The following NXPE3 variants were observed in gnomAD, a reference collection of about 807,000 sequenced individuals.
NXPE3 encodes the protein neurexophilin and PC-esterase domain family member 3.
NXPE3 carries 26 observed loss-of-function variants against 46.1 expected under a neutral mutation model. The observed-to-expected ratio is 0.56, with a 90% CI of 0.41 to 0.78. NXPE3 has a LOEUF of 0.78. Among genes scored for constraint, NXPE3 ranks in the 30% least tolerant of loss-of-function variants. The pLI is 0.00. For missense variants in NXPE3, 620 were observed against 686.0 expected (o/e 0.90, Z 1.07); for synonymous variants, 272 against 257.9 (o/e 1.05, Z -0.52).
At position 101,825,931 on chromosome 3, in the gene NXPE3, TTTA is replaced by T. The variant is rs1251230310; in HGVS notation, c.*3979_*3981del. 1 of 152,202 alleles carries T rather than the reference TTTA, an allele frequency of 6.6e-6. No homozygotes were observed. Among genetic ancestry groups the T allele is most frequent in the Admixed American group, 6.5e-5 (1 of 15,288 alleles). The allele number at this position is 152,202 out of a possible 1,614,324, so 9.4% of individuals were successfully genotyped here. On this transcript the variant is annotated 3_prime_UTR_variant, in exon 8 of 8. Transcript: ENST00000273347. ...TAAAGCCTTTCTATGCAAGTTACATTTTATAGAATTATCCTACTAAAAGTAACC... is the reference window on the plus strand; with the variant it reads ...TAAAGCCTTTCTATGCAAGTTACATTTAGAATTATCCTACTAAAAGTAACC...
chr3:101,792,116 G>T (rs1216514714), intron 4 of NXPE3, among the ~76,000 whole-genome samples: 1 of 152,090 alleles, frequency 6.6e-6, no homozygotes, highest in Non-Finnish European at 1.5e-5. Flanking sequence ...TAATGGGGTT[G>T]TTTCTTGTAG....
chr3:101,791,761 T>TA (rs1411761454), intron 4 of NXPE3, among the ~76,000 whole-genome samples: 1 of 152,200 alleles, frequency 6.6e-6, no homozygotes. Context: ...TTTGCATGCA[T>TA]GTGTCTTTAT....
intron 7 of NXPE3, among the ~76,000 whole-genome samples, chr3:101,819,629 A>G (rs986564903): frequency 6.6e-6 from 1 of 152,222 alleles, no homozygotes; most frequent in African/African-American, 2.4e-5. Flanking sequence ...TTTTAAAAAC[A>G]TTCATTTTTA....
rs1312796695 is a variant in NXPE3 at position 101,801,678 on chromosome 3, C to T, written c.537C>T (p.Gly179=). ...YKVFFTLLWP[G]KVKVSVSLVH... ...TTTTCTTTACTTTGCTATGGCCAGG[C>T]AAAGTTAAAGTATCCGTATCTCTGG... The change falls in exon 5 of 8, where the codon GGC becomes GGT. Residue 179 remains glycine, a synonymous_variant. Coordinates refer to ENST00000273347, the MANE Select transcript of NXPE3 (RefSeq NM_145037.4). 1 of 1,614,130 alleles carries T rather than the reference C, an allele frequency of 6.2e-7. No individual in the cohort carries two copies.
chr3:101,783,095 T>C (rs918324087), intron 3 of NXPE3, among the ~76,000 whole-genome samples: 1 of 152,170 alleles, frequency 6.6e-6, no homozygotes, highest in African/African-American at 2.4e-5. Flanking sequence ...GGAGTCTCGC[T>C]CTGTCACCCA....
In NXPE3 at chr3:101,825,024, CA is replaced by C. The variant is rs1484750549; in HGVS notation, c.*3071del. 3 of 152,064 alleles carry C rather than the reference CA, an allele frequency of 2.0e-5. No individual in the cohort carries two copies. The highest frequency in any genetic ancestry group is 4.4e-5 in the Non-Finnish European group (3 of 68,024). 9.4% of individuals were successfully genotyped at this position (152,064 alleles called of 1,614,324 possible). Reference sequence around the variant, plus strand: ...TTTTTTTTTTAACAACTTTTAAGTTCAGGGGTACATGTGCCAGTTTGTTTCA... The same window carrying C: ...TTTTTTTTTTAACAACTTTTAAGTTCGGGGTACATGTGCCAGTTTGTTTCA... On this transcript the variant is annotated 3_prime_UTR_variant, in exon 8 of 8. Transcript: ENST00000273347.
At chr3:101,799,488 G>A (rs750191668) in intron 4 of NXPE3, among the ~76,000 whole-genome samples, 19 of 151,732 alleles carry the variant, frequency 1.3e-4, no homozygotes, top group African/African-American at 2.4e-4. Context: ...GTGCAGTGGC[G>A]CGATCTTGGC....
chr3:101,800,976 G>T (rs1247037477), intron 4 of NXPE3, among the ~76,000 whole-genome samples: 1 of 152,040 alleles, frequency 6.6e-6, no homozygotes, highest in Non-Finnish European at 1.5e-5. Flanking sequence ...ACTCCAATAG[G>T]CTAGGTTCTG....
At chr3:101,800,440 AT>A (rs1319258711) in intron 4 of NXPE3, among the ~76,000 whole-genome samples, 7 of 152,196 alleles carry the variant, frequency 4.6e-5, no homozygotes, top group Admixed American at 4.6e-4. Context: ...GGTGTATTTT[AT>A]GGCCCAAAAT....
chr3:101,793,102 G>C (rs1940612817), intron 4 of NXPE3, among the ~76,000 whole-genome samples: 1 of 152,166 alleles, frequency 6.6e-6, no homozygotes, highest in Non-Finnish European at 1.5e-5. Context: ...GGTGATTTTT[G>C]TACATTGTTT....
chr3:101,803,004 C>A (rs1941239481), intron 5 of NXPE3, among the ~76,000 whole-genome samples: 1 of 152,184 alleles, frequency 6.6e-6, no homozygotes, highest in African/African-American at 2.4e-5. Context: ...ATCACAATTG[C>A]ACTACAGCCT....
intron 3 of NXPE3, among the ~76,000 whole-genome samples, chr3:101,784,476 G>T (rs1429381703): frequency 6.6e-6 from 1 of 152,136 alleles, no homozygotes; most frequent in Non-Finnish European, 1.5e-5. Flanking sequence ...ATGGGGGCTT[G>T]CCAGGTCCAA....
chr3:101,799,197 C>G (rs763689696), intron 4 of NXPE3, among the ~76,000 whole-genome samples: 29 of 152,156 alleles, frequency 1.9e-4, no homozygotes, highest in Non-Finnish European at 4.1e-4. Context: ...GCTTCAGCCT[C>G]CCGAAGTGTT....
At chr3:101,808,818 G>GAGAT (rs1313213746) in intron 6 of NXPE3, among the ~76,000 whole-genome samples, 11 of 30,814 alleles carry the variant, frequency 3.6e-4, no homozygotes, top group African/African-American at 1.1e-3. Flanking sequence ...AATTTTAGAG[G>GAGAT]ATATATATAT....
intron 4 of NXPE3, among the ~76,000 whole-genome samples, chr3:101,800,187 T>C (rs528176769): frequency 6.6e-6 from 1 of 152,330 alleles, no homozygotes; most frequent in South Asian, 2.1e-4. Flanking sequence ...TCCTAAAATA[T>C]GTATAGTACT....
At chr3:101,795,321 C>A (rs1227573193) in intron 4 of NXPE3, among the ~76,000 whole-genome samples, 5 of 152,118 alleles carry the variant, frequency 3.3e-5, no homozygotes, top group African/African-American at 1.2e-4. Context: ...AGTTTTGAGA[C>A]CAGCTTGGCC....
chr3:101,808,949 T>G (rs1455419828), intron 6 of NXPE3, among the ~76,000 whole-genome samples: 1 of 149,860 alleles, frequency 6.7e-6, no homozygotes, highest in Non-Finnish European at 1.5e-5. Flanking sequence ...CTCTAAACAC[T>G]CTCCATGTCC....
chr3:101,780,229 G>A (rs935229458), intron 1 of NXPE3, among the ~76,000 whole-genome samples: 1 of 152,198 alleles, frequency 6.6e-6, no homozygotes, highest in Non-Finnish European at 1.5e-5. Context: ...TTTGGAGGCA[G>A]CAGTATACTA....
At chr3:101,799,299 A>T (rs1208882485) in intron 4 of NXPE3, among the ~76,000 whole-genome samples, 3 of 152,180 alleles carry the variant, frequency 2.0e-5, no homozygotes, top group Admixed American at 2.0e-4. Flanking sequence ...CACAATTTGT[A>T]AAATTAATTT....
Sources: gnomAD v4.1 joint callset for allele counts (sites outside exome capture counted in the v4.1 genomes callset) on GRCh38, gnomAD v4.1.1 for gene constraint, MANE v1.5 for transcripts, NCBI Gene and HGNC (gene_info 2026-07-23, HGNC 2026-07-21) for gene names.